The following AKR1B15 variants were observed in gnomAD, a reference collection of about 807,000 sequenced individuals.
AKR1B15 encodes aldo-keto reductase family 1 member B15, also known as estradiol 17-beta-dehydrogenase AKR1B15.
Under a neutral mutation model 38.5 loss-of-function variants are expected in AKR1B15, and 49 were observed. The ratio of observed to expected loss-of-function variants is 1.27; its 90% CI spans 1.01 to 1.62. The LOEUF (loss-of-function observed/expected upper bound fraction) is 1.62. Among genes scored for constraint, AKR1B15 ranks in the 40% most tolerant of loss-of-function variants. The pLI is 0.00. For synonymous variants in AKR1B15, 137 were observed against 135.5 expected, an observed-to-expected ratio of 1.01 and a Z score of -0.08; for missense variants, 411 against 381.6, an observed-to-expected ratio of 1.08 and a Z score of -0.64.
intron 6 of AKR1B15, 61 bp downstream of exon 6, chr7:134,571,742 C>T (rs1746967631): frequency 2.3e-6 from 3 of 1,329,426 alleles, no homozygotes; most frequent in African/African-American, 1.5e-5. Context: ...CATGAGATTC[C>T]CATTGATATG....
chr7:134,577,273 G>A (rs1230165759), intron 10 of AKR1B15, among the ~76,000 whole-genome samples: 2 of 152,200 alleles, frequency 1.3e-5, no homozygotes, highest in Non-Finnish European at 2.9e-5. Context: ...TCAGGTCTGA[G>A]CACAGTTGTG....
At chr7:134,561,274 C>T (rs1260916970) in intron 2 of AKR1B15, among the ~76,000 whole-genome samples, 1 of 152,164 alleles carries the variant, frequency 6.6e-6, no homozygotes, top group Non-Finnish European at 1.5e-5. Flanking sequence ...ATTCCAGTGG[C>T]ATAATCTTGG....
Position 134,575,348 on chromosome 7 carries a change from G to A in AKR1B15, c.514-72G>A, listed in dbSNP as rs540136299. ...GATCCTTTAGCAATTTCTGCCCCAGGGAAGACTAAGGCAAGCCAGGGTCCC... is the reference window on the plus strand; with the variant it reads ...GATCCTTTAGCAATTTCTGCCCCAGAGAAGACTAAGGCAAGCCAGGGTCCC... On this transcript the variant is annotated intron_variant, in intron 6 of 11. Coordinates refer to ENST00000457545, the MANE Select transcript of AKR1B15 (RefSeq NM_001080538.3). 410 of 1,558,584 alleles carry A rather than the reference G, an allele frequency of 2.6e-4. 1 individual carries two copies. In the Middle Eastern group the frequency reaches 3.8e-3, roughly 15 times the overall value.
chr7:134,560,007 C>T (rs956611791), intron 2 of AKR1B15, among the ~76,000 whole-genome samples: 1 of 151,884 alleles, frequency 6.6e-6, no homozygotes, highest in Non-Finnish European at 1.5e-5. Context: ...ACTTGGGAGG[C>T]TGAGGCAGGA....
chr7:134,578,504 A>T (rs1176913052), intron 11 of AKR1B15, among the ~76,000 whole-genome samples: 1 of 152,156 alleles, frequency 6.6e-6, no homozygotes, highest in Non-Finnish European at 1.5e-5. Context: ...AATCTCAGAT[A>T]AGTTGTTGAA....
At chr7:134,550,295 A>C (rs1211133297) in intron 1 of AKR1B15, among the ~76,000 whole-genome samples, 1 of 151,890 alleles carries the variant, frequency 6.6e-6, no homozygotes, top group African/African-American at 2.4e-5. Flanking sequence ...TTTCCTCCTC[A>C]TCCCCATCCC....
chr7:134,574,105 G>C (rs559801476), intron 6 of AKR1B15, among the ~76,000 whole-genome samples: 1 of 152,176 alleles, frequency 6.6e-6, no homozygotes, highest in South Asian at 2.1e-4. Context: ...ATGTTGCCCA[G>C]GATGGACTCA....
intron 2 of AKR1B15, among the ~76,000 whole-genome samples, chr7:134,560,379 G>A (rs1794348852): frequency 6.6e-6 from 1 of 152,188 alleles, no homozygotes; most frequent in African/African-American, 2.4e-5. Flanking sequence ...GAGGCCCACA[G>A]AGGTGAGGAA....
chr7:134,571,510 G>T (rs1162638208), intron 5 of AKR1B15, 94 bp from the exon 6 acceptor site: 4 of 896,542 alleles, frequency 4.5e-6, no homozygotes, highest in South Asian at 1.4e-5. Context: ...ATGCAGATGT[G>T]GTATTTAGCA....
chr7:134,579,356 G>T (rs1794834522), intron 11 of AKR1B15, 151 bp from the exon 12 acceptor site: 2 of 613,010 alleles, frequency 3.3e-6, no homozygotes, highest in Non-Finnish European at 2.7e-6. Context: ...TTGAAGGAAG[G>T]TCAAGGTGTA....
intron 2 of AKR1B15, among the ~76,000 whole-genome samples, chr7:134,559,906 G>T (rs1484629090): frequency 1.3e-5 from 2 of 152,106 alleles, no homozygotes; most frequent in Non-Finnish European, 1.5e-5. Flanking sequence ...TCAGGAGATT[G>T]AGACCATCCT....
intron 1 of AKR1B15, among the ~76,000 whole-genome samples, chr7:134,555,693 C>G (rs1038959239): frequency 6.6e-6 from 1 of 152,036 alleles, no homozygotes; most frequent in Non-Finnish European, 1.5e-5. Context: ...CTGCCCATAC[C>G]CTTGAAGAGC....
At chr7:134,570,143 T>G (rs1402385601) in intron 5 of AKR1B15, 2 of 152,406 alleles carry the variant, frequency 1.3e-5, no homozygotes, top group Admixed American at 1.3e-4. Flanking sequence ...ACGGCTGTCT[T>G]TTACAGTTGT....
chr7:134,571,628 G>T lies in AKR1B15; in HGVS notation c.460G>T (p.Asp154Tyr). Reference protein sequence around the residue: ...FKTGDDFFPKDDKGNMISGKG... With the variant: ...FKTGDDFFPKYDKGNMISGKG... ...GACTGGGGATGACTTTTTCCCCAAAGATGATAAAGGTAATATGATCAGTGG... is the reference window on the plus strand; with the variant it reads ...GACTGGGGATGACTTTTTCCCCAAATATGATAAAGGTAATATGATCAGTGG... The change falls in exon 6 of 12, where the codon GAT (aspartate) becomes TAT (tyrosine). Residue 154 changes from aspartate (D) to tyrosine (Y), a missense_variant. By Grantham distance (160) the Asp-to-Tyr change is radical. Around this residue, in one of 3 missense-constraint regions of AKR1B15, gnomAD observed 254 missense variants for 212.4 expected, o/e 1.20. Coordinates refer to ENST00000457545, the MANE Select transcript of AKR1B15 (RefSeq NM_001080538.3). The T allele has an allele frequency of 6.2e-7, 1 of 1,613,492 alleles. No homozygotes were observed. Among genetic ancestry groups the T allele is most frequent in the Non-Finnish European group, 8.5e-7 (1 of 1,179,766 alleles).
intron 9 of AKR1B15, 120 bp from the exon 10 acceptor site, chr7:134,576,843 G>A: frequency 1.1e-6 from 1 of 933,316 alleles, no homozygotes; most frequent in Admixed American, 1.9e-5. Flanking sequence ...GAAGGGCTCA[G>A]TAATTATTAG....
Position 134,575,440 on chromosome 7 carries a change from C to G in AKR1B15, c.534C>G (p.Asp178Glu), listed in dbSNP as rs4035285. ...GATAGGCCATGGAGGAGCTGGTGGA[C>G]GAGGGGCTGGTGAAAGCCCTTGGGG... The part of the protein sequence containing the change: ...DAWEAMEELV[D>E]EGLVKALGVS... The change falls in exon 7 of 12, where the codon GAC (aspartate) becomes GAG (glutamate). Residue 178 changes from aspartate (D) to glutamate (E), a missense_variant. Asp to Glu is a conservative substitution (Grantham distance 45). This residue lies in a region of AKR1B15 where 254 missense variants were observed against 212.4 expected (regional missense o/e 1.20). Transcript: ENST00000457545. 48 of 1,613,622 alleles carry G rather than the reference C, an allele frequency of 3.0e-5. No homozygotes were observed. The highest frequency in any genetic ancestry group is 3.8e-5 in the Non-Finnish European group (45 of 1,179,782).
chr7:134,575,918 A>T lies in AKR1B15; in HGVS notation c.734A>T (p.Asp245Val), dbSNP rs770802206. 5.6e-6 allele frequency: 9 copies of T among 1,613,474 alleles called. No homozygotes were observed. In the South Asian group the frequency reaches 8.8e-5, roughly 16 times the overall value. The change falls in exon 8 of 12, where the codon GAT (aspartate) becomes GTT (valine). Residue 245 changes from aspartate to valine, a missense_variant. Asp to Val is a radical substitution (Grantham distance 152). This residue lies in a region of AKR1B15 where 133 missense variants were observed against 120.3 expected (regional missense o/e 1.11). Transcript: ENST00000457545. Reference sequence around the variant, plus strand: ...GCCTACAGCCCCCTGGGCTCTCCGGATAGACCTTGGTGAGGCTTCCAAGTG... The same window carrying T: ...GCCTACAGCCCCCTGGGCTCTCCGGTTAGACCTTGGTGAGGCTTCCAAGTG... ...VTAYSPLGSP[D>V]RPWAKPEDPS... is the part of the protein sequence containing the mutation.
At chr7:134,575,712 G>T (rs73724979) in intron 7 of AKR1B15, 109 bp from the exon 8 acceptor site, 32 of 1,586,186 alleles carry the variant, frequency 2.0e-5, no homozygotes, top group Non-Finnish European at 2.7e-5. Flanking sequence ...ATCTCAGTGC[G>T]CACTTGTTTG....
rs368476019 is a variant in AKR1B15 at position 134,565,513 on chromosome 7, C to G, written c.150+744C>G. On this transcript the variant is annotated intron_variant, in intron 3 of 11. Transcript: ENST00000457545. The stretch of plus-strand genomic sequence containing the variant: ...CGTTTGTGGAGCTCAGTACAAAAGC[C>G]AAGATGCCCATTGTGGGCCTGGGCA... The G allele has an allele frequency of 1.1e-5, 17 of 1,613,768 alleles. 1 individual carries two copies. The African/African-American group carries it at 2.3e-4, about 22-fold the overall frequency.
Sources: allele counts gnomAD v4.1 joint callset (sites outside exome capture counted in the v4.1 genomes callset), GRCh38; gene constraint gnomAD v4.1.1; regional missense constraint gnomAD v4.1.1; transcripts MANE v1.5; gene names NCBI Gene and HGNC (gene_info 2026-07-23, HGNC 2026-07-21).